TBC1D16: variants seen among roughly 807,000 people sequenced by gnomAD.
TBC1D16 encodes TBC1 domain family member 16, also known as CTD-2529O21.1.
A neutral mutation model predicts 74.7 loss-of-function variants in TBC1D16; 58 were observed. That is an observed-to-expected ratio of 0.78 (90% CI 0.63 to 0.97). The LOEUF is 0.97. Among genes scored for constraint, TBC1D16 ranks in the 50% least tolerant of loss-of-function variants. The pLI, the probability that TBC1D16 is intolerant of heterozygous loss-of-function variation, is 0.00. For missense variants in TBC1D16, 1,014 were observed against 1,079.5 expected, an observed-to-expected ratio of 0.94 and a Z score of 0.85; for synonymous variants, 493 against 474.7, an observed-to-expected ratio of 1.04 and a Z score of -0.50.
At chr17:79,997,455 A>T (rs1000910605) in intron 3 of TBC1D16, among the ~76,000 whole-genome samples, 6 of 151,886 alleles carry the variant, frequency 4.0e-5, no homozygotes, top group Non-Finnish European at 5.9e-5. Flanking sequence ...TTACATTTCT[A>T]TTGGGCACTG....
At chr17:79,991,755 C>G (rs1418883692) in intron 3 of TBC1D16, among the ~76,000 whole-genome samples, 1 of 151,592 alleles carries the variant, frequency 6.6e-6, no homozygotes, top group African/African-American at 2.4e-5. Context: ...CCGCAGGCAG[C>G]GGCCAGCCCT....
At chr17:80,031,260 G>A (rs145199563) in intron 1 of TBC1D16, among the ~76,000 whole-genome samples, 4,237 of 152,318 alleles carry the variant, frequency 0.028, 84 homozygotes, top group Non-Finnish European at 0.043. Flanking sequence ...TCGCAGCTGC[G>A]CTGAACTTCA....
At chr17:79,998,125 CAAAAAAA>C (rs901486919) in intron 3 of TBC1D16, among the ~76,000 whole-genome samples, 2 of 51,986 alleles carry the variant, frequency 3.8e-5, no homozygotes, top group African/African-American at 6.2e-5. Context: ...AACTCTGTCT[CAAAAAAA>C]AAAAAAAAAA....
intron 3 of TBC1D16, among the ~76,000 whole-genome samples, chr17:79,964,429 A>C (rs2033755825): frequency 6.6e-6 from 1 of 152,078 alleles, no homozygotes; most frequent in Non-Finnish European, 1.5e-5. Context: ...CACATTTTTA[A>C]ATTTTTCATG....
rs569830573 is a variant in TBC1D16, at chr17:79,985,950, G to T, written c.779+24210C>A. On this transcript the variant is annotated intron_variant, in intron 3 of 11. Transcript: ENST00000310924. The surrounding 1 kb of genome is among the most constrained non-coding windows in gnomAD (Gnocchi z 4.9). ...CTTAATTTAAATAAGAAAGCAGAAAGGTTATGAAAAACCATTTTTCCCAAC... is the reference window on the plus strand; with the variant it reads ...CTTAATTTAAATAAGAAAGCAGAAATGTTATGAAAAACCATTTTTCCCAAC... 8.8e-4 allele frequency among the ~76,000 whole-genome samples: 134 copies of T among 152,318 alleles called. No homozygotes were observed. The highest frequency in any genetic ancestry group is 1.4e-3 in the Non-Finnish European group (96 of 68,038).
chr17:79,949,664 G>T (rs1320728074), intron 7 of TBC1D16, 53 bp downstream of exon 7: 10 of 1,570,704 alleles, frequency 6.4e-6, no homozygotes, highest in Non-Finnish European at 7.8e-6. Flanking sequence ...CTTTTCAAAT[G>T]ACATTTTCCT....
In TBC1D16 at chr17:79,986,749, T is replaced by C. The variant is rs529192496; in HGVS notation, c.779+23411A>G. Reference sequence around the variant, plus strand: ...TTGGGTTTTCCCTTCCAAGGAAGGCTCTACACACCCGGCCCTCCTCAGAGC... The same window carrying C: ...TTGGGTTTTCCCTTCCAAGGAAGGCCCTACACACCCGGCCCTCCTCAGAGC... On this transcript the variant is annotated intron_variant, in intron 3 of 11. Coordinates refer to ENST00000310924, the MANE Select transcript of TBC1D16 (RefSeq NM_019020.4). This position sits in a 1 kb window ranked among gnomAD's most constrained non-coding sequence, Gnocchi z 6.0. Among the ~76,000 whole-genome samples the C allele has an allele frequency of 6.6e-6, 1 of 152,232 alleles. No individual in the cohort carries two copies. The highest frequency in any genetic ancestry group is 1.9e-4 in the East Asian group (1 of 5,168).
chr17:79,979,134 C>T lies in TBC1D16; in HGVS notation c.780-26316G>A, dbSNP rs985438640. On this transcript the variant is annotated intron_variant, in intron 3 of 11. Transcript: ENST00000310924. The surrounding 1 kb of genome is among the most constrained non-coding windows in gnomAD (Gnocchi z 4.8). ...TCCACGCTCTCAGCCTGTCCATCAG[C>T]AGCACACCTGGGAGATTCTGCCCAA... Among the ~76,000 whole-genome samples the T allele has an allele frequency of 6.6e-6, 1 of 152,246 alleles. No homozygotes were observed. Among genetic ancestry groups the T allele is most frequent in the African/African-American group, 2.4e-5 (1 of 41,464 alleles).
chr17:80,013,330 G>A (rs749088924), intron 2 of TBC1D16, 37 bp downstream of exon 2: 2 of 1,557,592 alleles, frequency 1.3e-6, no homozygotes, highest in South Asian at 1.2e-5. Flanking sequence ...AATAACCTGG[G>A]CTGTGCGACC....
Position 79,942,571 on chromosome 17 carries a change from C to G in TBC1D16, c.1909-365G>C, listed in dbSNP as rs2032121745. On this transcript the variant is annotated intron_variant, in intron 10 of 11. Coordinates refer to ENST00000310924, the MANE Select transcript of TBC1D16 (RefSeq NM_019020.4). ...AGCACCCTTCCTCAGAAGGCCTGGC[C>G]TGTGCTCATGGGGAGGACTCATTTG... is the stretch of plus-strand genomic sequence containing the variant. Among the ~76,000 whole-genome samples the G allele has an allele frequency of 3.3e-5, 5 of 151,900 alleles. 1 individual carries two copies. The South Asian group carries it at 1.0e-3, about 32-fold the overall frequency.
intron 5 of TBC1D16, among the ~76,000 whole-genome samples, chr17:79,951,083 C>A (rs2033016679): frequency 6.6e-6 from 1 of 152,210 alleles, no homozygotes; most frequent in Non-Finnish European, 1.5e-5. Flanking sequence ...ATAAGGGAAG[C>A]CAGCAGGAGG....
In TBC1D16 at chr17:79,934,988, A is replaced by C. The variant is rs2031494344; in HGVS notation, c.*5871T>G. On this transcript the variant is annotated 3_prime_UTR_variant, in exon 12 of 12. Transcript: ENST00000310924. ...TCCATGGGCCAAACCGCCTTTGCCC[A>C]TCCCTCCCCTGACCCCTGCTGCACG... is the stretch of plus-strand genomic sequence containing the variant. 1 of 152,274 alleles carries C rather than the reference A, an allele frequency of 6.6e-6. No individual in the cohort carries two copies. The highest frequency in any genetic ancestry group is 1.5e-5 in the Non-Finnish European group (1 of 68,080). 9.4% of individuals were successfully genotyped at this position (152,274 alleles called of 1,614,324 possible).
intron 1 of TBC1D16, among the ~76,000 whole-genome samples, chr17:80,015,259 GT>G (rs2036046682): frequency 6.6e-6 from 1 of 151,868 alleles, no homozygotes; most frequent in Non-Finnish European, 1.5e-5. Flanking sequence ...GCAAAACCCC[GT>G]CTTGACTAAA....
chr17:79,951,583 G>A lies in TBC1D16; in HGVS notation c.956C>T (p.Thr319Ile). ...GCTGGCAACGACCAGCTGGCCGCTG[G>A]TGCAGGCCTCGTCGCTGAAGGGCCA... Reference protein sequence around the residue: ...LRLFFSDEACTSGQLVVASRE... With the variant: ...LRLFFSDEACISGQLVVASRE... The change falls in exon 5 of 12, where the codon ACC becomes ATC. Residue 319 changes from threonine to isoleucine, a missense_variant. By Grantham distance (89) the Thr-to-Ile change is moderately conservative. Coordinates refer to ENST00000310924, the MANE Select transcript of TBC1D16 (RefSeq NM_019020.4). 1.2e-6 allele frequency: 2 copies of A among 1,613,842 alleles called. No individual in the cohort carries two copies. Among genetic ancestry groups the A allele is most frequent in the East Asian group, 2.2e-5 (1 of 44,882 alleles).
rs2034900672 is a variant in TBC1D16 at position 79,987,836 on chromosome 17, T to C, written c.779+22324A>G. 6.8e-6 allele frequency among the ~76,000 whole-genome samples: 1 copy of C among 147,602 alleles called. No homozygotes were observed. The highest frequency in any genetic ancestry group is 1.5e-5 in the Non-Finnish European group (1 of 67,426). ...TTACGGGCTGGTGAGGAATTTCCCA[T>C]CCTGAAGCTTTTAAAGCAGACAAAC... On this transcript the variant is annotated intron_variant, in intron 3 of 11. Transcript: ENST00000310924. The surrounding 1 kb of genome is among the most constrained non-coding windows in gnomAD (Gnocchi z 5.2).
intron 3 of TBC1D16, among the ~76,000 whole-genome samples, chr17:79,978,088 GC>G (rs1210950902): frequency 8.5e-5 from 13 of 152,206 alleles, no homozygotes; most frequent in Admixed American, 8.5e-4. Flanking sequence ...CCTAGAACCT[GC>G]CCCATGGTCA....
chr17:79,997,460 G>A (rs1195067792), intron 3 of TBC1D16, among the ~76,000 whole-genome samples: 2 of 152,062 alleles, frequency 1.3e-5, no homozygotes, highest in Non-Finnish European at 2.9e-5. Flanking sequence ...TTTCTATTGG[G>A]CACTGTTAGC....
chr17:79,972,575 A>G (rs2034158364), intron 3 of TBC1D16, among the ~76,000 whole-genome samples: 1 of 152,222 alleles, frequency 6.6e-6, no homozygotes, highest in South Asian at 2.1e-4. Flanking sequence ...CAAACCCTGC[A>G]TGATTCCACT....
In TBC1D16 at chr17:79,933,357, T is replaced by G. The variant is rs536909397; in HGVS notation, c.*7502A>C. The G allele has an allele frequency of 1.3e-5, 2 of 152,104 alleles. No individual in the cohort carries two copies. Among genetic ancestry groups the G allele is most frequent in the South Asian group, 4.2e-4 (2 of 4,810 alleles). 9.4% of individuals were successfully genotyped at this position (152,104 alleles called of 1,614,324 possible). On this transcript the variant is annotated 3_prime_UTR_variant, in exon 12 of 12. Transcript: ENST00000310924. ...ATGCAGGTATGCCCAGGTACCTGAG[T>G]CCCAGCCAAAGCGGCAAAGCCAGAC...
Sources: gnomAD v4.1 joint callset for allele counts (sites outside exome capture counted in the v4.1 genomes callset) on GRCh38, gnomAD v4.1.1 for gene constraint, Gnocchi (gnomAD v3.1) non-coding constraint, MANE v1.5 for transcripts, NCBI Gene and HGNC (gene_info 2026-07-23, HGNC 2026-07-21) for gene names.